The following ACACA variants were observed in gnomAD, a reference collection of about 807,000 sequenced individuals.
ACACA encodes acetyl-CoA carboxylase 1.
Under a neutral mutation model 296.1 loss-of-function variants are expected in ACACA, and 103 were observed. The ratio of observed to expected loss-of-function variants is 0.35; its 90% CI spans 0.30 to 0.41. The LOEUF (loss-of-function observed/expected upper bound fraction) is 0.41, where lower values mean the gene tolerates loss of function less well. Among genes scored for constraint, ACACA ranks in the 10% least tolerant of loss-of-function variants. The pLI is 1.00. For missense variants in ACACA, 1,554 were observed against 2,989.7 expected, an observed-to-expected ratio of 0.52 and a Z score of 11.20; for synonymous variants, 953 against 1,038.6, an observed-to-expected ratio of 0.92 and a Z score of 1.58.
At position 37,268,292 on chromosome 17, in the gene ACACA, T is replaced by C. The variant is rs528903188; in HGVS notation, c.1119+2459A>G. Among the ~76,000 whole-genome samples the C allele has an allele frequency of 7.9e-5, 12 of 152,320 alleles. No individual in the cohort carries two copies. The South Asian group carries it at 8.3e-4, about 11-fold the overall frequency. On this transcript the variant is annotated intron_variant, in intron 10 of 55. Transcript: ENST00000616317. Reference sequence around the variant, plus strand: ...ATAATTTTAAGTTCTGGATGTTATCTTTCTCTGGAAAGGATTTACATTTGC... The same window carrying C: ...ATAATTTTAAGTTCTGGATGTTATCCTTCTCTGGAAAGGATTTACATTTGC...
At chr17:37,213,938 T>C (rs958036442) in intron 29 of ACACA, among the ~76,000 whole-genome samples, 3 of 152,098 alleles carry the variant, frequency 2.0e-5, no homozygotes, top group African/African-American at 4.8e-5. Flanking sequence ...TGGCCTTATA[T>C]AAATCTTTTA....
intron 1 of ACACA, among the ~76,000 whole-genome samples, chr17:37,345,583 T>TA (rs1194768518): frequency 6.6e-6 from 1 of 151,890 alleles, no homozygotes; most frequent in East Asian, 1.9e-4. Context: ...ACCTGTAGAT[T>TA]AAAAAAATGC....
At chr17:37,336,124 C>A (rs539173885) in intron 2 of ACACA, among the ~76,000 whole-genome samples, 1 of 152,244 alleles carries the variant, frequency 6.6e-6, no homozygotes, top group African/African-American at 2.4e-5. Context: ...AGTAAAACTA[C>A]AAATCGTTCT....
intron 3 of ACACA, chr17:37,299,228 C>G: frequency 6.4e-7 from 1 of 1,564,478 alleles, no homozygotes; most frequent in East Asian, 2.2e-5. Context: ...CAGTACCTTA[C>G]TGTTTTTTTA....
chr17:37,174,020 AT>A (rs71159693), intron 41 of ACACA, among the ~76,000 whole-genome samples: 27 of 16,794 alleles, frequency 1.6e-3, no homozygotes, highest in South Asian at 3.9e-3. Flanking sequence ...ATATATATAT[AT>A]TTTTTTTTTT....
chr17:37,255,174 G>C (rs1387632023), intron 14 of ACACA, among the ~76,000 whole-genome samples: 2 of 152,086 alleles, frequency 1.3e-5, no homozygotes, highest in Non-Finnish European at 2.9e-5. Context: ...GGATAGGAAT[G>C]AGTGGCTAAT....
At chr17:37,149,809 C>G (rs1443860971) in intron 45 of ACACA, 55 bp downstream of exon 45, 3 of 1,474,588 alleles carry the variant, frequency 2.0e-6, no homozygotes, top group Admixed American at 1.7e-5. Context: ...ATTAAGAATT[C>G]ACACAATAAT....
chr17:37,371,498 A>C (rs1268529650), intron 1 of ACACA, among the ~76,000 whole-genome samples: 1 of 152,050 alleles, frequency 6.6e-6, no homozygotes, highest in Non-Finnish European at 1.5e-5. Flanking sequence ...TCAATTTCTT[A>C]ATTTGGGTGA....
chr17:37,361,163 C>G (rs898643250), intron 1 of ACACA, among the ~76,000 whole-genome samples: 1 of 152,024 alleles, frequency 6.6e-6, no homozygotes, highest in South Asian at 2.1e-4. Context: ...CTCAGCCTCC[C>G]GAATAGCTGG....
At chr17:37,200,072 G>A in intron 35 of ACACA, 67 bp downstream of exon 35, 2 of 1,159,018 alleles carry the variant, frequency 1.7e-6, no homozygotes, top group Non-Finnish European at 2.6e-6. Context: ...CATATATTCT[G>A]GTTAAATAAT....
chr17:37,312,694 A>G (rs911589399), intron 3 of ACACA, among the ~76,000 whole-genome samples: 5 of 152,164 alleles, frequency 3.3e-5, no homozygotes, highest in African/African-American at 7.2e-5. Flanking sequence ...GGCTAGAGAT[A>G]ATGAACACCT....
chr17:37,094,828 C>A (rs2072886522), intron 54 of ACACA, among the ~76,000 whole-genome samples: 1 of 152,242 alleles, frequency 6.6e-6, no homozygotes, highest in Non-Finnish European at 1.5e-5. Context: ...CAGGAGAATG[C>A]TGCCTTTTGT....
chr17:37,202,504 A>C (rs576707385), intron 33 of ACACA, among the ~76,000 whole-genome samples: 7 of 151,882 alleles, frequency 4.6e-5, no homozygotes, highest in African/African-American at 1.7e-4. Context: ...GGACTAGAAG[A>C]TTATTTGGAC....
At chr17:37,405,080 C>A (rs562400306) in intron 1 of ACACA, among the ~76,000 whole-genome samples, 1 of 152,304 alleles carries the variant, frequency 6.6e-6, no homozygotes, top group East Asian at 1.9e-4. Flanking sequence ...AGGGTCACTG[C>A]ACTTGCTGCT....
chr17:37,328,642 A>C, intron 3 of ACACA: 1 of 333,764 alleles, frequency 3.0e-6, no homozygotes, highest in Non-Finnish European at 5.4e-6. Context: ...CAGAACAATC[A>C]CATCCAGCCA....
At chr17:37,197,547 T>C (rs762896887) in intron 35 of ACACA, among the ~76,000 whole-genome samples, 5 of 152,118 alleles carry the variant, frequency 3.3e-5, no homozygotes, top group Non-Finnish European at 7.4e-5. Context: ...TTTTTCACAG[T>C]ACACTAACTA....
chr17:37,258,000 C>A, intron 13 of ACACA, 134 bp from the exon 14 acceptor site: 1 of 1,257,902 alleles, frequency 7.9e-7, no homozygotes. Context: ...AGGCCAAGAC[C>A]CAGTGCCACA....
chr17:37,306,328 A>G (rs952700970), intron 3 of ACACA, among the ~76,000 whole-genome samples: 2 of 152,186 alleles, frequency 1.3e-5, no homozygotes, highest in Non-Finnish European at 2.9e-5. Context: ...TTTGTGTTGA[A>G]GATCTGCCAG....
chr17:37,245,524 C>G (rs910266232), intron 19 of ACACA, among the ~76,000 whole-genome samples: 1 of 152,178 alleles, frequency 6.6e-6, no homozygotes, highest in East Asian at 1.9e-4. Context: ...TATCCTCATA[C>G]CAGTGAATCC....
Sources: gnomAD v4.1 joint callset for allele counts (sites outside exome capture counted in the v4.1 genomes callset) on GRCh38, gnomAD v4.1.1 for gene constraint, MANE v1.5 for transcripts, NCBI Gene and HGNC (gene_info 2026-07-23, HGNC 2026-07-21) for gene names.